The following MAP3K4 variants were observed in gnomAD, a reference collection of about 807,000 sequenced individuals.
The protein encoded by MAP3K4 is MAP three kinase 1.
A neutral mutation model predicts 185.6 loss-of-function variants in MAP3K4; 67 were observed. The observed-to-expected ratio is 0.36, with a 90% CI of 0.30 to 0.44. MAP3K4 has a LOEUF of 0.44. Ranked by LOEUF, MAP3K4 falls within the 20% of genes least tolerant of loss-of-function variation. The pLI, the probability that MAP3K4 is intolerant of heterozygous loss-of-function variation, is 1.00. For missense variants in MAP3K4, 1,551 were observed against 1,995.1 expected, an observed-to-expected ratio of 0.78 and a Z score of 4.24; for synonymous variants, 702 against 710.4, an observed-to-expected ratio of 0.99 and a Z score of 0.19.
Position 161,039,484 on chromosome 6 carries a change from T to C in MAP3K4, c.343+5035T>C, listed in dbSNP as rs540597996. 1.1e-4 allele frequency among the ~76,000 whole-genome samples: 16 copies of C among 152,316 alleles called. No homozygotes were observed. In the South Asian group the frequency reaches 2.9e-3, roughly 28 times the overall value. On this transcript the variant is annotated intron_variant, in intron 2 of 26. Coordinates refer to ENST00000392142, the MANE Select transcript of MAP3K4 (RefSeq NM_005922.4). ...TGTAGGCTCAGAGTAGCTACTATTG[T>C]CATGTATTTGTTTTTTATAATTGTA...
chr6:161,015,761 TAGAG>T (rs1360809196), intron 1 of MAP3K4, among the ~76,000 whole-genome samples: 3 of 152,100 alleles, frequency 2.0e-5, no homozygotes, highest in Non-Finnish European at 4.4e-5. Flanking sequence ...CTAGCACTCA[TAGAG>T]AGAATTCACT....
At chr6:161,102,443 G>A (rs1320923733) in intron 18 of MAP3K4, among the ~76,000 whole-genome samples, 3 of 152,052 alleles carry the variant, frequency 2.0e-5, no homozygotes, top group Admixed American at 6.6e-5. Context: ...TCCACTTTTT[G>A]CACAGTATTC....
rs1172156314 is a variant in MAP3K4, at chr6:161,096,240, TGAA to T, written c.3428-836_3428-834del. On this transcript the variant is annotated intron_variant, in intron 15 of 26. Coordinates refer to ENST00000392142, the MANE Select transcript of MAP3K4 (RefSeq NM_005922.4). This position sits in a 1 kb window ranked among gnomAD's most constrained non-coding sequence, Gnocchi z 4.9. ...CCCTTATTAATAGGAAACAAAATCA[TGAA>T]GAAACAGGATTTCCATTTAGGATAA... 1.5e-4 allele frequency among the ~76,000 whole-genome samples: 23 copies of T among 152,004 alleles called. No individual in the cohort carries two copies. The highest frequency in any genetic ancestry group is 1.0e-3 in the Admixed American group (16 of 15,292).
At position 161,084,536 on chromosome 6, in the gene MAP3K4, G is replaced by A; in HGVS notation, c.2291G>A (p.Ser764Asn). The change falls in exon 7 of 27, where the codon AGT (serine) becomes AAT (asparagine). Residue 764 changes from serine to asparagine, a missense_variant. Transcript: ENST00000392142. The surrounding 1 kb of genome is among the most constrained non-coding windows in gnomAD (Gnocchi z 4.6). ...IAGMLLKSTG[S>N]FLEFGLQESC... ...GGAATGCTGCTGAAATCTACAGGAA[G>A]TTTTTTAGAATTTGGCTTACAGGAG... The A allele has an allele frequency of 1.2e-6, 2 of 1,608,382 alleles. No homozygotes were observed. The highest frequency in any genetic ancestry group is 4.5e-5 in the East Asian group (2 of 44,854).
At chr6:160,992,298 G>C (rs894329882) in intron 1 of MAP3K4, 9 of 588,098 alleles carry the variant, frequency 1.5e-5, no homozygotes, top group African/African-American at 6.0e-5. Context: ...AGCTCCGCAG[G>C]GTTCCGCTCG....
chr6:160,998,505 A>G (rs1781110982), intron 1 of MAP3K4, among the ~76,000 whole-genome samples: 1 of 152,222 alleles, frequency 6.6e-6, no homozygotes, highest in Non-Finnish European at 1.5e-5. Flanking sequence ...TCCATGTGAT[A>G]TAAAGAGAAT....
Position 161,066,219 on chromosome 6 carries a change from G to A in MAP3K4, c.1708-4389G>A, listed in dbSNP as rs577449339. 2.6e-5 allele frequency among the ~76,000 whole-genome samples: 4 copies of A among 152,154 alleles called. No homozygotes were observed. The South Asian group carries it at 8.3e-4, about 32-fold the overall frequency. On this transcript the variant is annotated intron_variant, in intron 3 of 26. Transcript: ENST00000392142. Reference sequence around the variant, plus strand: ...TTGAATAGTTTTTTAGAGAAGGTAAGTGAATTGTACTTTGAGATCATCCCT... The same window carrying A: ...TTGAATAGTTTTTTAGAGAAGGTAAATGAATTGTACTTTGAGATCATCCCT...
At chr6:161,092,688 T>G (rs1777380494) in intron 13 of MAP3K4, among the ~76,000 whole-genome samples, 1 of 151,714 alleles carries the variant, frequency 6.6e-6, no homozygotes, top group South Asian at 2.1e-4. Context: ...GTTACAAAAC[T>G]CATAAATACT....
In MAP3K4 at chr6:161,073,404, T is replaced by C. The variant is rs1785034262; in HGVS notation, c.1951-62T>C. ...TTTTGAAGATTTAAGTAGGAAGATA[T>C]AAAACACGGATCGTCTGGTTGGAGT... On this transcript the variant is annotated intron_variant, in intron 4 of 26. Transcript: ENST00000392142. This position sits in a 1 kb window ranked among gnomAD's most constrained non-coding sequence, Gnocchi z 4.2. 5 of 1,465,210 alleles carry C rather than the reference T, an allele frequency of 3.4e-6. No homozygotes were observed. The Admixed American group carries it at 7.5e-5, about 22-fold the overall frequency. The allele number at this position is 1,465,210 out of a possible 1,614,324, so 90.8% of individuals were successfully genotyped here. A position where few individuals can be genotyped will look rare whatever the true frequency, so the allele number is the denominator to read the frequency against.
chr6:161,038,459 G>T (rs1214633614), intron 2 of MAP3K4, among the ~76,000 whole-genome samples: 1 of 152,198 alleles, frequency 6.6e-6, no homozygotes, highest in Non-Finnish European at 1.5e-5. Flanking sequence ...GCTGTCCAAG[G>T]AAATGTGAAC....
chr6:161,055,784 C>T (rs1488355053), intron 3 of MAP3K4, among the ~76,000 whole-genome samples: 1 of 152,178 alleles, frequency 6.6e-6, no homozygotes, highest in African/African-American at 2.4e-5. Context: ...TAACCTTGAT[C>T]ACTTGGTTAA....
rs1784746267 is a variant in MAP3K4, at chr6:161,067,114, G to A, written c.1708-3494G>A. The stretch of plus-strand genomic sequence containing the variant: ...AGTTTGTTTTGCCAAGGTCAAGGAT[G>A]TGTGCGCCTGTGACACAGCCTCAGG... On this transcript the variant is annotated intron_variant, in intron 3 of 26. Transcript: ENST00000392142. This position sits in a 1 kb window ranked among gnomAD's most constrained non-coding sequence, Gnocchi z 6.3. 5.0e-6 allele frequency: 1 copy of A among 198,466 alleles called. No individual in the cohort carries two copies. Among genetic ancestry groups the A allele is most frequent in the Non-Finnish European group, 1.1e-5 (1 of 93,104 alleles). The allele number at this position is 198,466 out of a possible 1,614,324, so 12.3% of individuals were successfully genotyped here.
At chr6:161,030,095 T>C (rs1007060421) in intron 1 of MAP3K4, among the ~76,000 whole-genome samples, 8 of 152,156 alleles carry the variant, frequency 5.3e-5, no homozygotes, top group Admixed American at 2.0e-4. Flanking sequence ...TTCTCCAGAT[T>C]TGAAAAATTT....
rs1785715244 is a variant in MAP3K4 at position 161,086,399 on chromosome 6, G to A, written c.2393G>A (p.Ser798Asn). ...DEIRRSVIEI[S>N]RALKELFHEA... ...GGCAGGAGGTCTGTTATAGAGATCA[G>A]TCGAGCCCTGAAGGAGCTCTTCCAT... The change falls in exon 8 of 27, where the codon AGT becomes AAT. Residue 798 changes from serine to asparagine, a missense_variant. Coordinates refer to ENST00000392142, the MANE Select transcript of MAP3K4 (RefSeq NM_005922.4). This position sits in a 1 kb window ranked among gnomAD's most constrained non-coding sequence, Gnocchi z 4.8. 1 of 1,613,754 alleles carries A rather than the reference G, an allele frequency of 6.2e-7. No homozygotes were observed. Among genetic ancestry groups the A allele is most frequent in the Non-Finnish European group, 8.5e-7 (1 of 1,179,746 alleles).
At position 161,091,003 on chromosome 6, in the gene MAP3K4, G is replaced by A. The variant is rs11751843; in HGVS notation, c.2974-376G>A. 0.038 allele frequency among the ~76,000 whole-genome samples: 5,798 copies of A among 152,284 alleles called. 147 individuals carry two copies. Among genetic ancestry groups the A allele is most frequent in the South Asian group, 0.072 (346 of 4,818 alleles). ...AGTAGCAGGGAAATGAGGACAGCACGATCGGAGGAGGTCATCTAGAAGTAC... is the reference window on the plus strand; with the variant it reads ...AGTAGCAGGGAAATGAGGACAGCACAATCGGAGGAGGTCATCTAGAAGTAC... On this transcript the variant is annotated intron_variant, in intron 11 of 26. Coordinates refer to ENST00000392142, the MANE Select transcript of MAP3K4 (RefSeq NM_005922.4). The surrounding 1 kb of genome is among the most constrained non-coding windows in gnomAD (Gnocchi z 5.5).
In MAP3K4 at chr6:161,115,815, G is replaced by A. The variant is rs62435518; in HGVS notation, c.4806+513G>A. 3.9e-5 allele frequency among the ~76,000 whole-genome samples: 6 copies of A among 152,272 alleles called. No homozygotes were observed. The highest frequency in any genetic ancestry group is 3.9e-4 in the Admixed American group (6 of 15,290). On this transcript the variant is annotated intron_variant, in intron 26 of 26. Coordinates refer to ENST00000392142, the MANE Select transcript of MAP3K4 (RefSeq NM_005922.4). This position sits in a 1 kb window ranked among gnomAD's most constrained non-coding sequence, Gnocchi z 6.0. The stretch of plus-strand genomic sequence containing the variant: ...GAAACTTGGAAACGCTCACCCTTCC[G>A]GGAGAGTGGGATGGTCACAGAGCCC...
chr6:161,102,833 C>T (rs1022716794), intron 19 of MAP3K4, 54 bp downstream of exon 19: 6 of 1,161,422 alleles, frequency 5.2e-6, no homozygotes, highest in Non-Finnish European at 6.0e-6. Flanking sequence ...AACACGATTA[C>T]ACATAAGGGG....
At chr6:161,013,411 A>G (rs906928293) in intron 1 of MAP3K4, among the ~76,000 whole-genome samples, 4 of 152,210 alleles carry the variant, frequency 2.6e-5, no homozygotes, top group African/African-American at 9.6e-5. Context: ...TTTTGTACAT[A>G]TATAGAAGAC....
At chr6:161,028,288 A>G (rs1782765122) in intron 1 of MAP3K4, among the ~76,000 whole-genome samples, 1 of 150,570 alleles carries the variant, frequency 6.6e-6, no homozygotes, top group African/African-American at 2.4e-5. Context: ...ATTGGATAAG[A>G]CTTCTAAATT....
Sources: allele counts gnomAD v4.1 joint callset (sites outside exome capture counted in the v4.1 genomes callset), GRCh38; gene constraint gnomAD v4.1.1; non-coding constraint Gnocchi (gnomAD v3.1); transcripts MANE v1.5; gene names NCBI Gene and HGNC (gene_info 2026-07-23, HGNC 2026-07-21).